MUS81: variants seen among roughly 807,000 people sequenced by gnomAD.
MUS81 encodes structure-specific endonuclease subunit MUS81.
In MUS81, 69 loss-of-function variants were observed where a neutral mutation model predicts 74.2. The observed-to-expected ratio is 0.93, with a 90% CI of 0.77 to 1.14. The LOEUF is 1.14. MUS81 is among the 50% of genes most tolerant of loss of function. MUS81 has a pLI of 0.00. For missense variants in MUS81, 711 were observed against 726.5 expected, an observed-to-expected ratio of 0.98 and a Z score of 0.25; for synonymous variants, 303 against 300.6, an observed-to-expected ratio of 1.01 and a Z score of -0.08.
chr11:65,864,916 C>T, intron 12 of MUS81, 101 bp downstream of exon 12: 1 of 1,579,680 alleles, frequency 6.3e-7, no homozygotes, highest in South Asian at 1.1e-5. Flanking sequence ...GGGTGAGATC[C>T]CCATTTCTCA....
In MUS81 at chr11:65,864,799, T is replaced by A. The variant is rs369437234; in HGVS notation, c.1256T>A (p.Leu419Gln). Residue 419 changes from leucine to glutamine, a missense_variant, in exon 12 of 16, where the codon CTG becomes CAG. Leu to Gln is a moderately radical substitution (Grantham distance 113). Coordinates refer to ENST00000308110, the MANE Select transcript of MUS81 (RefSeq NM_025128.5). The stretch of plus-strand genomic sequence containing the variant: ...TACCTGGCCCTCTTGACGCGGGGCC[T>A]GCAGAGACTCTACCAGGTGAGCAGA... ...AAYLALLTRGLQRLYQGHTLR... is the reference protein window; with the variant it reads ...AAYLALLTRGQQRLYQGHTLR... 2.7e-5 allele frequency: 43 copies of A among 1,613,050 alleles called. No homozygotes were observed. The highest frequency in any genetic ancestry group is 3.3e-4 in the Middle Eastern group (2 of 6,084).
rs962798879 is a variant in MUS81, at chr11:65,864,594, A to G, written c.1157A>G (p.Gln386Arg). Residue 386 changes from glutamine to arginine, a missense_variant, in exon 11 of 16, where the codon CAG becomes CGG. Coordinates refer to ENST00000308110, the MANE Select transcript of MUS81 (RefSeq NM_025128.5). ...AGCCTTCCTGAGAGCACACTGCTGC[A>G]GGCTGTCACCAACACTCAGGTGAGC... ...NLSLPESTLL[Q>R]AVTNTQVIDG... is the part of the protein sequence containing the mutation. The G allele has an allele frequency of 1.2e-6, 2 of 1,614,022 alleles. No individual in the cohort carries two copies. The highest frequency in any genetic ancestry group is 1.7e-6 in the Non-Finnish European group (2 of 1,180,024).
At position 65,863,650 on chromosome 11, in the gene MUS81, C is replaced by T; in HGVS notation, c.890C>T (p.Thr297Ile). 5 of 1,613,930 alleles carry T rather than the reference C, an allele frequency of 3.1e-6. No homozygotes were observed. The highest frequency in any genetic ancestry group is 1.1e-5 in the South Asian group (1 of 91,064). ...CGAGAGCTACAGCGGCTGCACGTGA[C>T]CCACACGGTGCGCAAGCTGCACGTT... ...LLRELQRLHV[T>I]HTVRKLHVGD... Residue 297 changes from threonine (T) to isoleucine (I), a missense_variant, in exon 9 of 16, where the codon ACC (threonine) becomes ATC (isoleucine). Thr to Ile is a moderately conservative substitution (Grantham distance 89). Transcript: ENST00000308110.
intron 14 of MUS81, 84 bp downstream of exon 14, chr11:65,865,407 G>A: frequency 1.5e-6 from 2 of 1,375,374 alleles, no homozygotes; most frequent in Non-Finnish European, 2.0e-6. Flanking sequence ...CGTGGAGGGG[G>A]CCTGGCCTTG....
chr11:65,862,076 C>T lies in MUS81; in HGVS notation c.450+31C>T, dbSNP rs767393521. 9.4e-6 allele frequency: 15 copies of T among 1,601,074 alleles called. No individual in the cohort carries two copies. The East Asian group carries it at 2.5e-4, about 26-fold the overall frequency. On this transcript the variant is annotated intron_variant, in intron 4 of 15. Coordinates refer to ENST00000308110, the MANE Select transcript of MUS81 (RefSeq NM_025128.5). Reference sequence around the variant, plus strand: ...CACTGGGCTACACCGGGAGGCGGAACCATGGCAGTGGGGTGGGAGGTTCCC... The same window carrying T: ...CACTGGGCTACACCGGGAGGCGGAATCATGGCAGTGGGGTGGGAGGTTCCC...
In MUS81 at chr11:65,860,787, C is replaced by A. The variant is rs962881541; in HGVS notation, c.34C>A (p.Pro12Thr). 3 of 1,538,710 alleles carry A rather than the reference C, an allele frequency of 1.9e-6. No individual in the cohort carries two copies. Among genetic ancestry groups the A allele is most frequent in the Non-Finnish European group, 1.7e-6 (2 of 1,146,512 alleles). The part of the protein sequence containing the change: ...AAPVRLGRKR[P>T]LPACPNPLFV... ...CCCGGTCCGCCTGGGCCGGAAGCGC[C>A]CGCTGCCTGCCTGTCCCAACCCGCT... Residue 12 changes from proline (P) to threonine (T), a missense_variant, in exon 1 of 16, where the codon CCG becomes ACG. Physicochemically the swap from Pro to Thr is conservative, Grantham distance 38. Transcript: ENST00000308110.
Position 65,864,589 on chromosome 11 carries a change from G to A in MUS81, c.1152G>A (p.Leu384=). Residue 384 remains leucine (L), a synonymous_variant, in exon 11 of 16, where the codon CTG becomes CTA. Coordinates refer to ENST00000308110, the MANE Select transcript of MUS81 (RefSeq NM_025128.5). The part of the protein sequence containing the change: ...VHNLSLPEST[L]LQAVTNTQVI... ...ACCTCAGCCTTCCTGAGAGCACACT[G>A]CTGCAGGCTGTCACCAACACTCAGG... The A allele has an allele frequency of 6.2e-7, 1 of 1,614,116 alleles. No individual in the cohort carries two copies. Among genetic ancestry groups the A allele is most frequent in the Non-Finnish European group, 8.5e-7 (1 of 1,179,998 alleles).
At chr11:65,864,221 C>G (rs960583587) in intron 10 of MUS81, 2 of 584,352 alleles carry the variant, frequency 3.4e-6, no homozygotes, top group African/African-American at 3.7e-5. Context: ...GTACTTGCTG[C>G]TGGGTGGACC....
chr11:65,860,824 G>A lies in MUS81; in HGVS notation c.71G>A (p.Trp24Ter), dbSNP rs1279794327. The A allele has an allele frequency of 6.5e-7, 1 of 1,550,188 alleles. No individual in the cohort carries two copies. The highest frequency in any genetic ancestry group is 1.4e-5 in the African/African-American group (1 of 73,374). The change falls in exon 1 of 16, where the codon TGG (tryptophan) becomes TAG (stop). Residue 24 changes from tryptophan to a stop codon, truncating the protein, a stop_gained. Coordinates refer to ENST00000308110, the MANE Select transcript of MUS81 (RefSeq NM_025128.5). LOFTEE classifies it high-confidence loss of function. ...TGTCCCAACCCGCTCTTCGTTCGCT[G>A]GCTGACCGAGTGGCGGGACGAGGCG... ...PACPNPLFVR[W>*]LTEWRDEATR...
downstream of MUS81, chr11:65,866,893 A>G: frequency 6.2e-7 from 1 of 1,613,412 alleles, no homozygotes; most frequent in South Asian, 1.1e-5. Flanking sequence ...GGGTAGCTGC[A>G]GGGAGGGTGG....
At position 65,863,498 on chromosome 11, in the gene MUS81, C is replaced by T. The variant is rs895978458; in HGVS notation, c.835C>T (p.Arg279Trp). ...VLLCVDIGETRGGGHRPELLR... is the reference protein window; with the variant it reads ...VLLCVDIGETWGGGHRPELLR... ...GTTGTGTGTGGACATTGGCGAGACC[C>T]GGGGGTGAGTGAGGTGGGGAGAAAC... is the stretch of plus-strand genomic sequence containing the variant. The change falls in exon 8 of 16, where the codon CGG (arginine) becomes TGG (tryptophan). Residue 279 changes from arginine to tryptophan, a missense_variant. Coordinates refer to ENST00000308110, the MANE Select transcript of MUS81 (RefSeq NM_025128.5). The T allele has an allele frequency of 1.8e-5, 29 of 1,613,832 alleles. No homozygotes were observed. Among genetic ancestry groups the T allele is most frequent in the Middle Eastern group, 1.6e-4 (1 of 6,082 alleles).
At chr11:65,860,097 G>A (rs943257782), upstream of MUS81, 2 of 356,376 alleles carry the variant, frequency 5.6e-6, no homozygotes, top group African/African-American at 2.1e-5. Context: ...CCTGTATCCC[G>A]GGGATGAGGA....
intron 3 of MUS81, 105 bp downstream of exon 3, chr11:65,861,540 C>A: frequency 1.1e-6 from 1 of 910,938 alleles, no homozygotes; most frequent in Non-Finnish European, 1.7e-6. Context: ...ACCAGTGATG[C>A]CTGGCCTTGA....
At position 65,863,749 on chromosome 11, in the gene MUS81, A is replaced by G. The variant is rs1555040984; in HGVS notation, c.961+28A>G. On this transcript the variant is annotated intron_variant, in intron 9 of 15. Coordinates refer to ENST00000308110, the MANE Select transcript of MUS81 (RefSeq NM_025128.5). ...GAAGGGCCGTGGACAGGCTGGCACC[A>G]GGGGCAGGGCCTGGTGGGTAGGGGA... The G allele has an allele frequency of 3.1e-6, 5 of 1,613,454 alleles. No homozygotes were observed. In the Admixed American group the frequency reaches 5.0e-5, roughly 16 times the overall value.
rs147126237 is a variant in MUS81 at position 65,863,834 on chromosome 11, T to C, written c.992T>C (p.Ile331Thr). Residue 331 changes from isoleucine (I) to threonine (T), a missense_variant, in exon 10 of 16, where the codon ATT becomes ACT. Coordinates refer to ENST00000308110, the MANE Select transcript of MUS81 (RefSeq NM_025128.5). ...CCTGGGGAGTTGGTACTGGATCACATTGTGGAGCGCAAGCGACTGGATGAC... is the reference window on the plus strand; with the variant it reads ...CCTGGGGAGTTGGTACTGGATCACACTGTGGAGCGCAAGCGACTGGATGAC... ...ANPGELVLDHIVERKRLDDLC... is the reference protein window; with the variant it reads ...ANPGELVLDHTVERKRLDDLC... 1.4e-5 allele frequency: 23 copies of C among 1,613,956 alleles called. No individual in the cohort carries two copies. Among genetic ancestry groups the C allele is most frequent in the African/African-American group, 9.3e-5 (7 of 74,884 alleles).
In MUS81 at chr11:65,865,314, C is replaced by A. The variant is rs1859786219; in HGVS notation, c.1496C>A (p.Thr499Asn). 1.2e-6 allele frequency: 2 copies of A among 1,613,732 alleles called. No homozygotes were observed. Among genetic ancestry groups the A allele is most frequent in the African/African-American group, 1.3e-5 (1 of 75,030 alleles). ...KAAALVDRYS[T>N]PASLLAAYDA... The stretch of plus-strand genomic sequence containing the variant: ...GCAGCCCTGGTGGATCGATACAGCA[C>A]CCCTGCCAGGTAGGCCCTAAAGGGC... The change falls in exon 14 of 16, where the codon ACC (threonine) becomes AAC (asparagine). Residue 499 changes from threonine (T) to asparagine (N), a missense_variant. Thr to Asn is a moderately conservative substitution (Grantham distance 65, BLOSUM62 0). Transcript: ENST00000308110.
intron 3 of MUS81, chr11:65,861,638 G>GCT: frequency 1.6e-6 from 1 of 607,404 alleles, no homozygotes; most frequent in East Asian, 2.8e-5. Flanking sequence ...CCATGATCAA[G>GCT]CTACTTAAGG....
rs1859720779 is a variant in MUS81, at chr11:65,864,049, G to A, written c.1059+148G>A. Reference sequence around the variant, plus strand: ...CCACCCTGTGGCTGCTCCAGGATCAGACCCCCACAGGCCCATCCAGGCGCA... The same window carrying A: ...CCACCCTGTGGCTGCTCCAGGATCAAACCCCCACAGGCCCATCCAGGCGCA... On this transcript the variant is annotated intron_variant, in intron 10 of 15. Coordinates refer to ENST00000308110, the MANE Select transcript of MUS81 (RefSeq NM_025128.5). 2.4e-5 allele frequency: 18 copies of A among 762,246 alleles called. No individual in the cohort carries two copies. In the South Asian group the frequency reaches 2.4e-4, roughly 10 times the overall value. 47.2% of individuals were successfully genotyped at this position (762,246 alleles called of 1,614,324 possible).
At chr11:65,865,627 G>T in intron 14 of MUS81, 184 bp from the exon 15 acceptor site, 1 of 669,494 alleles carries the variant, frequency 1.5e-6, no homozygotes, top group Non-Finnish European at 2.5e-6. Flanking sequence ...TGCTGGTTTT[G>T]CCCCAGAGTT....
Sources: allele counts gnomAD v4.1 joint callset, GRCh38; gene constraint gnomAD v4.1.1; transcripts MANE v1.5; gene names NCBI Gene and HGNC (gene_info 2026-07-23, HGNC 2026-07-21).